Variants in TNR observed in about 807,000 individuals in gnomAD.
The protein encoded by TNR is tenascin R.
Under a neutral mutation model 150.4 loss-of-function variants are expected in TNR, and 45 were observed. The ratio of observed to expected loss-of-function variants is 0.30; its 90% CI spans 0.24 to 0.38. The LOEUF (loss-of-function observed/expected upper bound fraction) is 0.38. TNR is among the 10% of genes least tolerant of loss of function. The pLI, the probability that TNR is intolerant of heterozygous loss-of-function variation, is 1.00. For missense variants in TNR, 1,544 were observed against 1,759.1 expected, an observed-to-expected ratio of 0.88 and a Z score of 2.19; for synonymous variants, 687 against 678.4, an observed-to-expected ratio of 1.01 and a Z score of -0.20.
At position 175,599,016 on chromosome 1, in the gene TNR, C is replaced by T. The variant is rs536409192; in HGVS notation, c.-164-70647G>A. Among the ~76,000 whole-genome samples, 5 of 152,200 alleles carry T rather than the reference C, an allele frequency of 3.3e-5. No homozygotes were observed. Among genetic ancestry groups the T allele is most frequent in the Non-Finnish European group, 7.3e-5 (5 of 68,028 alleles). On this transcript the variant is annotated intron_variant, in intron 1 of 22. Coordinates refer to ENST00000367674, the MANE Select transcript of TNR (RefSeq NM_003285.3). The surrounding 1 kb of genome is among the most constrained non-coding windows in gnomAD (Gnocchi z 4.7). Reference sequence around the variant, plus strand: ...AATGCACTCTTAGGTGGCTCCGGCTCTCCAGGAGCTAAAGGGCTTCCCCAA... The same window carrying T: ...AATGCACTCTTAGGTGGCTCCGGCTTTCCAGGAGCTAAAGGGCTTCCCCAA...
At chr1:175,548,338 T>C (rs776563566) in intron 1 of TNR, among the ~76,000 whole-genome samples, 3 of 151,878 alleles carry the variant, frequency 2.0e-5, no homozygotes, top group Admixed American at 6.6e-5. Context: ...CAGAATGGTA[T>C]ATAGAGTAAG....
intron 1 of TNR, among the ~76,000 whole-genome samples, chr1:175,535,400 T>C (rs1031078079): frequency 3.3e-5 from 5 of 152,270 alleles, no homozygotes; most frequent in African/African-American, 1.2e-4. Context: ...TAAATCTTTG[T>C]CTTTTTCTGC....
intron 4 of TNR, among the ~76,000 whole-genome samples, chr1:175,399,947 C>T (rs1193267414): frequency 6.6e-6 from 1 of 152,222 alleles, no homozygotes; most frequent in South Asian, 2.1e-4. Flanking sequence ...TGGCTGCAGT[C>T]CTGACAGAGC....
intron 1 of TNR, among the ~76,000 whole-genome samples, chr1:175,552,801 G>A (rs934916815): frequency 2.0e-5 from 3 of 152,064 alleles, no homozygotes; most frequent in Admixed American, 2.0e-4. Context: ...TGACTTTTTG[G>A]ATCCTATTCC....
At chr1:175,601,381 T>A (rs1346828663) in intron 1 of TNR, among the ~76,000 whole-genome samples, 1 of 152,184 alleles carries the variant, frequency 6.6e-6, no homozygotes, top group Non-Finnish European at 1.5e-5. Context: ...TTTGCATGTC[T>A]TTGGGGGACT....
At chr1:175,676,877 A>T (rs1328621735) in intron 1 of TNR, among the ~76,000 whole-genome samples, 1 of 152,158 alleles carries the variant, frequency 6.6e-6, no homozygotes, top group African/African-American at 2.4e-5. Context: ...TCGATCTCAA[A>T]CAAGAGCTAG....
chr1:175,569,665 G>C (rs752816203), intron 1 of TNR, among the ~76,000 whole-genome samples: 1 of 152,182 alleles, frequency 6.6e-6, no homozygotes, highest in Non-Finnish European at 1.5e-5. Context: ...AAAATTAATA[G>C]CACACCATGG....
chr1:175,511,296 T>C (rs1461301347), intron 2 of TNR, among the ~76,000 whole-genome samples: 2 of 152,232 alleles, frequency 1.3e-5, no homozygotes, highest in Non-Finnish European at 2.9e-5. Context: ...ATTCATAAAA[T>C]GCCATTTCAT....
chr1:175,354,087 C>T (rs1433326230), intron 18 of TNR, among the ~76,000 whole-genome samples: 1 of 152,156 alleles, frequency 6.6e-6, no homozygotes, highest in East Asian at 1.9e-4. Flanking sequence ...CTCAGGTAAT[C>T]TGCCCATCTA....
chr1:175,458,050 A>G (rs949561159), intron 2 of TNR, among the ~76,000 whole-genome samples: 9 of 152,340 alleles, frequency 5.9e-5, no homozygotes, highest in East Asian at 3.9e-4. Flanking sequence ...AATAGTACCC[A>G]CTTCACAGGA....
chr1:175,481,309 G>A (rs1187838539), intron 2 of TNR, among the ~76,000 whole-genome samples: 2 of 152,174 alleles, frequency 1.3e-5, no homozygotes, highest in Admixed American at 6.5e-5. Context: ...ATGTCTGGTC[G>A]GTAGAGGCCA....
In TNR at chr1:175,396,751, C is replaced by T. The variant is rs898935340; in HGVS notation, c.1033G>A (p.Glu345Lys). The change falls in exon 5 of 23, where the codon GAA becomes AAA. Residue 345 changes from glutamate (E) to lysine (K), a missense_variant. Around this residue, in one of 2 missense-constraint regions of TNR, gnomAD observed 1,254 missense variants for 1,329.4 expected, o/e 0.94. Transcript: ENST00000367674. ...GTCACTGCCATCGGCCCGTCCCATT[C>T]CAGCTCAATGGACCTGTCGCTGATA... Reference protein sequence around the residue: ...AGISDRSIELEWDGPMAVTEY... With the variant: ...AGISDRSIELKWDGPMAVTEY... The T allele has an allele frequency of 1.4e-5, 22 of 1,614,066 alleles. No homozygotes were observed. The highest frequency in any genetic ancestry group is 1.0e-4 in the Admixed American group (6 of 60,012).
intron 18 of TNR, among the ~76,000 whole-genome samples, chr1:175,340,985 T>C (rs566416390): frequency 6.6e-6 from 1 of 152,334 alleles, no homozygotes; most frequent in East Asian, 1.9e-4. Context: ...GGATAAGAGA[T>C]TGCATTTAGC....
At chr1:175,563,989 T>C (rs977098209) in intron 1 of TNR, among the ~76,000 whole-genome samples, 1 of 152,234 alleles carries the variant, frequency 6.6e-6, no homozygotes, top group Admixed American at 6.5e-5. Context: ...GAAACTGGTG[T>C]GTGCTGAATC....
chr1:175,375,824 G>T (rs1248936079), intron 9 of TNR, among the ~76,000 whole-genome samples: 2 of 152,150 alleles, frequency 1.3e-5, no homozygotes, highest in African/African-American at 4.8e-5. Flanking sequence ...AATTGAATGG[G>T]TATTGAGTGC....
intron 9 of TNR, among the ~76,000 whole-genome samples, chr1:175,375,880 T>C (rs1470035410): frequency 6.6e-6 from 1 of 152,324 alleles, no homozygotes. Context: ...TAGGGATATA[T>C]GTATGATTTC....
At chr1:175,453,406 A>C (rs1254830966) in intron 2 of TNR, among the ~76,000 whole-genome samples, 1 of 152,130 alleles carries the variant, frequency 6.6e-6, no homozygotes, top group East Asian at 1.9e-4. Flanking sequence ...CAACTGAGTC[A>C]CAGACTGCCA....
At chr1:175,405,969 G>A (rs1653937748) in intron 3 of TNR, among the ~76,000 whole-genome samples, 1 of 152,138 alleles carries the variant, frequency 6.6e-6, no homozygotes, top group Non-Finnish European at 1.5e-5. Context: ...TTTCAAACTG[G>A]CTATGCAGTG....
intron 2 of TNR, among the ~76,000 whole-genome samples, chr1:175,420,442 A>G (rs1035334337): frequency 6.6e-6 from 1 of 152,238 alleles, no homozygotes; most frequent in Non-Finnish European, 1.5e-5. Flanking sequence ...TAAGCCTTAT[A>G]CCATAAATAA....
Sources: gnomAD v4.1 joint callset for allele counts (sites outside exome capture counted in the v4.1 genomes callset) on GRCh38, gnomAD v4.1.1 for gene constraint, gnomAD v4.1.1 regional missense constraint, Gnocchi (gnomAD v3.1) non-coding constraint, MANE v1.5 for transcripts, NCBI Gene and HGNC (gene_info 2026-07-23, HGNC 2026-07-21) for gene names.